DMD: variants seen among roughly 807,000 people sequenced by gnomAD.
DMD encodes mutant dystrophin.
DMD carries 63 observed loss-of-function variants against 330.1 expected under a neutral mutation model. That is an observed-to-expected ratio of 0.19 (90% CI 0.16 to 0.24). The LOEUF is 0.24. Ranked by LOEUF, DMD falls within the 10% of genes least tolerant of loss-of-function variation. DMD has a pLI of 1.00. For missense variants in DMD, 3,344 were observed against 2,684.1 expected (o/e 1.25, Z -5.43); for synonymous variants, 1,223 against 959.8 (o/e 1.27, Z -5.07).
At chrX:31,965,283 A>T (rs762052606) in intron 45 of DMD, among the ~76,000 whole-genome samples, 1 of 111,702 alleles carries the variant, frequency 9.0e-6, no homozygotes, top group Admixed American at 9.5e-5. Flanking sequence ...GCTGGCTAGG[A>T]TCATTTTTTT....
intron 50 of DMD, among the ~76,000 whole-genome samples, chrX:31,779,587 T>C (rs1418257578): frequency 8.9e-6 from 1 of 112,078 alleles, no homozygotes; most frequent in Non-Finnish European, 1.9e-5. Flanking sequence ...GTGGGTTTTG[T>C]TTGTTTGTTT....
chrX:31,233,021 G>A (rs1195827592), intron 63 of DMD, among the ~76,000 whole-genome samples: 1 of 111,774 alleles, frequency 8.9e-6, no homozygotes, highest in Non-Finnish European at 1.9e-5. Context: ...CCATTAAATT[G>A]TTCCTCAATT....
Position 32,279,966 on chromosome X carries a change from C to CAT in DMD, c.6290+7561_6290+7562dup, listed in dbSNP as rs200773895. The stretch of plus-strand genomic sequence containing the variant: ...TATATACACATATATATGTGTAACC[C>CAT]ATATATATATGTACCCCACATATAT... On this transcript the variant is annotated intron_variant, in intron 43 of 78. Coordinates refer to ENST00000357033, the MANE Select transcript of DMD (RefSeq NM_004006.3). Among the ~76,000 whole-genome samples, 12 of 64,332 alleles carry CAT rather than the reference C, an allele frequency of 1.9e-4. No individual in the cohort carries two copies. In the East Asian group the frequency reaches 4.5e-3, roughly 24 times the overall value. 55.9% of individuals were successfully genotyped at this position (64,332 alleles called of 115,157 possible). A position where few individuals can be genotyped will look rare whatever the true frequency, so the allele number is the denominator to read the frequency against.
intron 42 of DMD, among the ~76,000 whole-genome samples, chrX:32,300,906 T>C (rs1857427156): frequency 9.0e-6 from 1 of 111,026 alleles, no homozygotes; most frequent in African/African-American, 3.3e-5. Context: ...TGTTATACTT[T>C]TTAATTCTAT....
At chrX:32,728,484 T>C (rs1840270680) in intron 7 of DMD, among the ~76,000 whole-genome samples, 1 of 111,947 alleles carries the variant, frequency 8.9e-6, no homozygotes, top group Non-Finnish European at 1.9e-5. Flanking sequence ...CAGGCTGAAG[T>C]CATTTAATCC....
At chrX:33,220,297 T>C (rs1336836600) in intron 1 of DMD, among the ~76,000 whole-genome samples, 1 of 110,755 alleles carries the variant, frequency 9.0e-6, no homozygotes, top group Non-Finnish European at 1.9e-5. Context: ...AACTGAAGAA[T>C]TTTTAGCAAG....
In DMD at chrX:33,133,116, A is replaced by C. The variant is rs536701156; in HGVS notation, c.31+78166T>G. Among the ~76,000 whole-genome samples the C allele has an allele frequency of 5.2e-4, 57 of 109,331 alleles. No homozygotes were observed. The South Asian group carries it at 0.021, about 40-fold the overall frequency. 94.9% of individuals were successfully genotyped at this position (109,331 alleles called of 115,157 possible). A position where few individuals can be genotyped will look rare whatever the true frequency, so the allele number is the denominator to read the frequency against. ...GCCATATCTTTGATTTTAAAGAAAT[A>C]GTAGTGGTTAAAAAAAAAGCAAGTA... On this transcript the variant is annotated intron_variant, in intron 1 of 78. Transcript: ENST00000357033.
intron 11 of DMD, among the ~76,000 whole-genome samples, chrX:32,622,881 G>A (rs1395596478): frequency 8.9e-6 from 1 of 111,737 alleles, no homozygotes; most frequent in African/African-American, 3.3e-5. Flanking sequence ...CAGCTTCCAG[G>A]TGAAACCAAT....
intron 1 of DMD, among the ~76,000 whole-genome samples, chrX:33,177,202 C>T (rs1203315464): frequency 1.8e-5 from 2 of 110,991 alleles, no homozygotes; most frequent in African/African-American, 3.3e-5. Flanking sequence ...TGGCTTTCTT[C>T]AGGGTAAGAA....
intron 2 of DMD, among the ~76,000 whole-genome samples, chrX:32,946,213 T>C (rs947906971): frequency 2.7e-5 from 3 of 111,651 alleles, no homozygotes; most frequent in African/African-American, 9.7e-5. Flanking sequence ...AAATTAAGGC[T>C]ATTAATTTTC....
At chrX:32,948,637 T>C (rs1338045999) in intron 2 of DMD, among the ~76,000 whole-genome samples, 4 of 111,936 alleles carry the variant, frequency 3.6e-5, no homozygotes, top group South Asian at 7.4e-4. Context: ...AGGAGAGCGT[T>C]TGCCAATTCC....
intron 47 of DMD, among the ~76,000 whole-genome samples, chrX:31,911,530 C>A (rs1374373215): frequency 9.3e-6 from 1 of 107,648 alleles, no homozygotes; most frequent in African/African-American, 3.4e-5. Context: ...TGACTTATTA[C>A]TTGCTGTTTA....
chrX:31,459,582 C>T (rs969288469), intron 59 of DMD, among the ~76,000 whole-genome samples: 1 of 111,503 alleles, frequency 9.0e-6, no homozygotes, highest in African/African-American at 3.3e-5. Context: ...TCCCGGAAAA[C>T]CAAACTTCTA....
chrX:32,304,293 G>A lies in DMD; in HGVS notation c.6117+5789C>T, dbSNP rs980425221. Among the ~76,000 whole-genome samples, 4 of 111,221 alleles carry A rather than the reference G, an allele frequency of 3.6e-5. No homozygotes were observed. In the East Asian group the frequency reaches 8.5e-4, roughly 24 times the overall value. On this transcript the variant is annotated intron_variant, in intron 42 of 78. Coordinates refer to ENST00000357033, the MANE Select transcript of DMD (RefSeq NM_004006.3). Reference sequence around the variant, plus strand: ...AGTTTCTGCTTTCTACACTTTACACGATGGGGATTATGAAAACAGTGCTGC... The same window carrying A: ...AGTTTCTGCTTTCTACACTTTACACAATGGGGATTATGAAAACAGTGCTGC...
At chrX:32,539,541 C>T (rs1004869886) in intron 17 of DMD, among the ~76,000 whole-genome samples, 2 of 110,378 alleles carry the variant, frequency 1.8e-5, no homozygotes, top group African/African-American at 6.6e-5. Context: ...TTCACGGACA[C>T]ATTAATTATC....
chrX:32,904,417 T>C (rs1228640808), intron 2 of DMD, among the ~76,000 whole-genome samples: 1 of 111,058 alleles, frequency 9.0e-6, no homozygotes, highest in Admixed American at 9.6e-5. Context: ...GAGAGGAAGA[T>C]AGGTTTAATT....
At chrX:32,490,089 A>C (rs1166369610) in intron 20 of DMD, among the ~76,000 whole-genome samples, 1 of 111,676 alleles carries the variant, frequency 9.0e-6, no homozygotes, top group Middle Eastern at 4.2e-3. Flanking sequence ...ATTTCTCATC[A>C]CTTTTTGGGT....
intron 44 of DMD, among the ~76,000 whole-genome samples, chrX:31,989,326 A>C (rs1419507103): frequency 8.9e-6 from 1 of 112,399 alleles, no homozygotes; most frequent in Non-Finnish European, 1.9e-5. Flanking sequence ...TAATTTGTTG[A>C]AGTTAAATTG....
chrX:31,224,210 T>G (rs1265419193), intron 63 of DMD, among the ~76,000 whole-genome samples: 1 of 111,964 alleles, frequency 8.9e-6, no homozygotes, highest in African/African-American at 3.3e-5. Flanking sequence ...ATACAGATCA[T>G]GGACCGACTG....
Sources: gnomAD v4.1 joint callset for allele counts (sites outside exome capture counted in the v4.1 genomes callset) on GRCh38, gnomAD v4.1.1 for gene constraint, MANE v1.5 for transcripts, NCBI Gene and HGNC (gene_info 2026-07-23, HGNC 2026-07-21) for gene names.